NDRG3: variants seen among roughly 807,000 people sequenced by gnomAD.
NDRG3 encodes the protein protein NDRG3.
NDRG3 carries 23 observed loss-of-function variants against 57.2 expected under a neutral mutation model. The observed-to-expected ratio is 0.40, with a 90% CI of 0.29 to 0.57. The LOEUF is 0.57. Ranked by LOEUF, NDRG3 falls within the 20% of genes least tolerant of loss-of-function variation. The pLI, the probability that NDRG3 is intolerant of heterozygous loss-of-function variation, is 0.42. For synonymous variants in NDRG3, 132 were observed against 162.6 expected (o/e 0.81, Z 1.43); for missense variants, 384 against 457.3 (o/e 0.84, Z 1.46).
At position 36,653,362 on chromosome 20, in the gene NDRG3, G is replaced by T; in HGVS notation, c.*158C>A. 1 of 626,946 alleles carries T rather than the reference G, an allele frequency of 1.6e-6. No homozygotes were observed. Among genetic ancestry groups the T allele is most frequent in the Non-Finnish European group, 2.7e-6 (1 of 370,888 alleles). The allele number at this position is 626,946 out of a possible 1,614,324, so 38.8% of individuals were successfully genotyped here. On this transcript the variant is annotated 3_prime_UTR_variant, in exon 16 of 16. Transcript: ENST00000349004. The surrounding 1 kb of genome is among the most constrained non-coding windows in gnomAD (Gnocchi z 4.2). ...TTGGGCTATACAAAAAAGGGGGTGG[G>T]CAGGCAGAGAGAATGATAAATCCAG... is the stretch of plus-strand genomic sequence containing the variant.
chr20:36,659,348 A>G (rs2148025155), intron 13 of NDRG3, among the ~76,000 whole-genome samples: 1 of 152,186 alleles, frequency 6.6e-6, no homozygotes, highest in South Asian at 2.1e-4. Context: ...GGCTGGTCTC[A>G]AACTCCTGGA....
At chr20:36,663,390 T>C (rs182073005) in intron 12 of NDRG3, among the ~76,000 whole-genome samples, 1 of 152,354 alleles carries the variant, frequency 6.6e-6, no homozygotes, top group Admixed American at 6.5e-5. Flanking sequence ...CTTTACTCCA[T>C]AATGTTTTGC....
At chr20:36,699,256 T>C (rs946000826) in intron 3 of NDRG3, among the ~76,000 whole-genome samples, 1 of 152,092 alleles carries the variant, frequency 6.6e-6, no homozygotes, top group Non-Finnish European at 1.5e-5. Context: ...ATAACTAAAG[T>C]ATAAAAACTT....
At position 36,653,582 on chromosome 20, in the gene NDRG3, G is replaced by C. The variant is rs757464751; in HGVS notation, c.1066C>G (p.Gln356Glu). The change falls in exon 16 of 16, where the codon CAA becomes GAA. Residue 356 changes from glutamine (Q) to glutamate (E), a missense_variant. Gln to Glu is a conservative substitution (Grantham distance 29). Coordinates refer to ENST00000349004, the MANE Select transcript of NDRG3 (RefSeq NM_032013.4). This position sits in a 1 kb window ranked among gnomAD's most constrained non-coding sequence, Gnocchi z 4.2. ...ACATCAGGGGACTCACAGGATTCTT[G>C]AGTTCCATCTGACTGATTGCTGGTG... ...SVTSNQSDGT[Q>E]ESCESPDVLD... 6.2e-7 allele frequency: 1 copy of C among 1,614,216 alleles called. No homozygotes were observed. The highest frequency in any genetic ancestry group is 2.2e-5 in the East Asian group (1 of 44,892).
At chr20:36,661,461 G>A (rs1979194004) in intron 12 of NDRG3, among the ~76,000 whole-genome samples, 1 of 152,182 alleles carries the variant, frequency 6.6e-6, no homozygotes, top group African/African-American at 2.4e-5. Context: ...ATCCAGCAGG[G>A]TGAAACATGT....
chr20:36,671,801 C>CAAA (rs1182073175), intron 8 of NDRG3, among the ~76,000 whole-genome samples: 4 of 57,532 alleles, frequency 7.0e-5, no homozygotes, highest in African/African-American at 2.4e-4. Context: ...GACTCCGTCT[C>CAAA]AAAAAAAAAA....
chr20:36,677,815 C>T (rs1228058612), intron 8 of NDRG3, among the ~76,000 whole-genome samples: 2 of 152,192 alleles, frequency 1.3e-5, no homozygotes, highest in African/African-American at 4.8e-5. Context: ...GTGTACCTCA[C>T]TCTTCCTGGA....
intron 1 of NDRG3, 67 bp from the exon 2 acceptor site, chr20:36,721,850 G>A: frequency 1.4e-6 from 1 of 692,112 alleles, no homozygotes; most frequent in Non-Finnish European, 2.5e-6. Flanking sequence ...AATAGTCACA[G>A]TACACCCATT....
chr20:36,732,869 G>A (rs1479503545), intron 1 of NDRG3, among the ~76,000 whole-genome samples: 2 of 151,904 alleles, frequency 1.3e-5, no homozygotes, highest in Non-Finnish European at 2.9e-5. Context: ...TTGCTTTGGC[G>A]AGGCAAGGTG....
intron 2 of NDRG3, among the ~76,000 whole-genome samples, chr20:36,710,284 A>C (rs910785579): frequency 2.0e-5 from 3 of 152,184 alleles, no homozygotes; most frequent in African/African-American, 7.2e-5. Context: ...AGATCGCACC[A>C]CTGCACTCCA....
intron 13 of NDRG3, among the ~76,000 whole-genome samples, chr20:36,657,946 G>A (rs754800051): frequency 1.3e-5 from 2 of 152,090 alleles, no homozygotes; most frequent in Non-Finnish European, 2.9e-5. Flanking sequence ...TCCAAGATGG[G>A]TACCTATCAA....
chr20:36,686,636 A>G (rs1327002850), intron 5 of NDRG3, among the ~76,000 whole-genome samples: 1 of 152,198 alleles, frequency 6.6e-6, no homozygotes, highest in Non-Finnish European at 1.5e-5. Flanking sequence ...TAGGGAGCCT[A>G]TGACTCTGCC....
intron 2 of NDRG3, among the ~76,000 whole-genome samples, chr20:36,711,867 C>A (rs1983903251): frequency 1.3e-5 from 2 of 152,202 alleles, no homozygotes; most frequent in Admixed American, 1.3e-4. Flanking sequence ...GCAAGCTCCG[C>A]CTCCTGGGTT....
At chr20:36,694,769 A>T (rs894580120) in intron 3 of NDRG3, among the ~76,000 whole-genome samples, 27 of 151,512 alleles carry the variant, frequency 1.8e-4, no homozygotes, top group African/African-American at 6.6e-4. Flanking sequence ...TTATTTATTT[A>T]TTTTTTGAGA....
chr20:36,689,043 A>C (rs914860079), intron 3 of NDRG3, among the ~76,000 whole-genome samples: 13 of 152,066 alleles, frequency 8.5e-5, no homozygotes, highest in African/African-American at 3.1e-4. Context: ...AAAAATAAAA[A>C]ATCAGCCAGG....
Position 36,739,133 on chromosome 20 carries a change from T to TTAAAAAA in NDRG3, c.-49+6911_-49+6912insTTTTTTA, listed in dbSNP as rs1568676736. ...CTGGGTGACAAAACGAGACCCCATC[T>TTAAAAAA]CAAAAAAAAAAAAAAAAAAAAAAAA... On this transcript the variant is annotated intron_variant, in intron 1 of 15. Transcript: ENST00000349004. Among the ~76,000 whole-genome samples the TTAAAAAA allele has an allele frequency of 6.0e-3, 190 of 31,514 alleles. 73 individuals carry two copies. Among genetic ancestry groups the TTAAAAAA allele is most frequent in the Non-Finnish European group, 8.4e-3 (149 of 17,754 alleles). The allele number at this position is 31,514 out of a possible 152,430, so 20.7% of individuals were successfully genotyped here.
At chr20:36,733,166 AAAAAAATATATATATATATAT>A (rs1985402848) in intron 1 of NDRG3, among the ~76,000 whole-genome samples, 1 of 77,692 alleles carries the variant, frequency 1.3e-5, no homozygotes, top group African/African-American at 5.3e-5. Context: ...AAAAAAAAAA[AAAAAAATATATATATATATAT>A]ATATATATAT....
chr20:36,738,388 G>A (rs1370706530), intron 1 of NDRG3, among the ~76,000 whole-genome samples: 1 of 150,680 alleles, frequency 6.6e-6, no homozygotes, highest in Non-Finnish European at 1.5e-5. Context: ...CCAGCTACAC[G>A]AGAGACTGAG....
chr20:36,689,335 G>A (rs1982064489), intron 3 of NDRG3, among the ~76,000 whole-genome samples: 1 of 152,142 alleles, frequency 6.6e-6, no homozygotes, highest in Non-Finnish European at 1.5e-5. Flanking sequence ...CGAGCCCAGG[G>A]ATCTGTTGAG....
Sources: allele counts gnomAD v4.1 joint callset (sites outside exome capture counted in the v4.1 genomes callset), GRCh38; gene constraint gnomAD v4.1.1; non-coding constraint Gnocchi (gnomAD v3.1); transcripts MANE v1.5; gene names NCBI Gene and HGNC (gene_info 2026-07-23, HGNC 2026-07-21).